GABRA2: variants seen among roughly 807,000 people sequenced by gnomAD.
The protein encoded by GABRA2 is gamma-aminobutyric acid type A receptor subunit alpha2.
In GABRA2, 16 loss-of-function variants were observed where a neutral mutation model predicts 48.7. That is an observed-to-expected ratio of 0.33 (90% confidence interval 0.22 to 0.50). GABRA2 has a LOEUF of 0.50. Among genes scored for constraint, GABRA2 ranks in the 20% least tolerant of loss-of-function variants. GABRA2 has a pLI of 0.98. For synonymous variants in GABRA2, 185 were observed against 184.5 expected (o/e 1.00, Z -0.02); for missense variants, 275 against 535.6 (o/e 0.51, Z 4.80).
intron 9 of GABRA2, among the ~76,000 whole-genome samples, chr4:46,254,002 A>G (rs575692693): frequency 6.6e-6 from 1 of 151,652 alleles, no homozygotes; most frequent in South Asian, 2.1e-4. Context: ...CTGACTTACA[A>G]TTCTAAGATC....
At chr4:46,348,846 G>A (rs567029420) in intron 3 of GABRA2, among the ~76,000 whole-genome samples, 9 of 150,146 alleles carry the variant, frequency 6.0e-5, no homozygotes, top group East Asian at 4.0e-4. Flanking sequence ...TAATGGGTGC[G>A]GCACACCAAC....
chr4:46,366,724 A>C (rs557978225), intron 3 of GABRA2: 1 of 152,236 alleles, frequency 6.6e-6, no homozygotes, highest in South Asian at 2.1e-4. Flanking sequence ...AGAAATTATA[A>C]TTTAGTATGA....
chr4:46,359,426 C>A (rs759783040), intron 3 of GABRA2, among the ~76,000 whole-genome samples: 4 of 151,868 alleles, frequency 2.6e-5, no homozygotes, highest in Non-Finnish European at 5.9e-5. Flanking sequence ...TACTATCAGC[C>A]CCTTCTAAAA....
intron 9 of GABRA2, among the ~76,000 whole-genome samples, chr4:46,251,492 C>T (rs1432980901): frequency 2.0e-5 from 3 of 151,384 alleles, no homozygotes; most frequent in Admixed American, 1.3e-4. Context: ...TGGTGCCACG[C>T]TTTTAGCCAT....
At chr4:46,319,373 C>A (rs1714805597) in intron 4 of GABRA2, among the ~76,000 whole-genome samples, 1 of 151,658 alleles carries the variant, frequency 6.6e-6, no homozygotes, top group African/African-American at 2.4e-5. Context: ...CTAATAAAGG[C>A]TAGTCTCCCT....
chr4:46,390,068 TGGGGGGACGC>T lies in GABRA2; in HGVS notation c.-354_-345del. 5 of 77,476 alleles carry T rather than the reference TGGGGGGACGC, an allele frequency of 6.5e-5. No homozygotes were observed. The highest frequency in any genetic ancestry group is 2.4e-4 in the African/African-American group (1 of 4,180). The allele number at this position is 77,476 out of a possible 1,614,324, so 4.8% of individuals were successfully genotyped here. A position where few individuals can be genotyped will look rare whatever the true frequency, so the allele number is the denominator to read the frequency against. On this transcript the variant is annotated 5_prime_UTR_variant, in exon 1 of 10. Coordinates refer to ENST00000381620, the MANE Select transcript of GABRA2 (RefSeq NM_000807.4). ...AGGAGCTGGGGCCGGGGGGGGAAAT[TGGGGGGACGC>T]GGGCGGAGGCGCGGTGCGCGCCGGC... is the stretch of plus-strand genomic sequence containing the variant.
At chr4:46,343,018 T>C (rs562122984) in intron 3 of GABRA2, among the ~76,000 whole-genome samples, 143 of 152,014 alleles carry the variant, frequency 9.4e-4, no homozygotes, top group South Asian at 1.9e-3. Context: ...CCTGACACTT[T>C]CTAAGCTTTT....
chr4:46,322,927 G>A (rs922475392), intron 4 of GABRA2, among the ~76,000 whole-genome samples: 2 of 151,776 alleles, frequency 1.3e-5, no homozygotes, highest in Non-Finnish European at 2.9e-5. Flanking sequence ...GTTTGCACGC[G>A]TGCATCTAGG....
chr4:46,321,378 G>T (rs1174478644), intron 4 of GABRA2, among the ~76,000 whole-genome samples: 2 of 151,956 alleles, frequency 1.3e-5, no homozygotes, highest in African/African-American at 4.8e-5. Flanking sequence ...TGGAAAAAAA[G>T]TAAACTATGC....
At chr4:46,336,550 T>C (rs2109831877) in intron 3 of GABRA2, among the ~76,000 whole-genome samples, 1 of 152,100 alleles carries the variant, frequency 6.6e-6, no homozygotes, top group South Asian at 2.1e-4. Flanking sequence ...ATACCAAGAG[T>C]AATATGCAAA....
intron 3 of GABRA2, among the ~76,000 whole-genome samples, chr4:46,377,654 C>T (rs1286935433): frequency 6.8e-5 from 10 of 148,066 alleles, no homozygotes; most frequent in African/African-American, 2.0e-4. Context: ...AGGTGAGGGG[C>T]GCCTCTGCCC....
intron 3 of GABRA2, among the ~76,000 whole-genome samples, chr4:46,357,448 A>T (rs1736174899): frequency 6.8e-6 from 1 of 147,304 alleles, no homozygotes; most frequent in African/African-American, 2.5e-5. Flanking sequence ...GAGTGAAAAG[A>T]CCTCAATTTG....
At position 46,388,662 on chromosome 4, in the gene GABRA2, A is replaced by C. The variant is rs1717805731; in HGVS notation, c.45T>G (p.Phe15Leu). Reference sequence around the variant, plus strand: ...TGGCAGGGTCCCACACCAAGAAAACAAAAAGCAGGAACTGCATGTTGTAGA... The same window carrying C: ...TGGCAGGGTCCCACACCAAGAAAACCAAAAGCAGGAACTGCATGTTGTAGA... ...LNIYNMQFLL[F>L]VFLVWDPARL... Residue 15 changes from phenylalanine (F) to leucine (L), a missense_variant, in exon 2 of 10, where the codon TTT (phenylalanine) becomes TTG (leucine). Phe to Leu is a conservative substitution (Grantham distance 22, BLOSUM62 0). Coordinates refer to ENST00000381620, the MANE Select transcript of GABRA2 (RefSeq NM_000807.4). 6.2e-7 allele frequency: 1 copy of C among 1,614,066 alleles called. No individual in the cohort carries two copies. The highest frequency in any genetic ancestry group is 2.2e-5 in the East Asian group (1 of 44,884).
At chr4:46,385,810 G>C (rs780695526) in intron 3 of GABRA2, among the ~76,000 whole-genome samples, 1 of 152,030 alleles carries the variant, frequency 6.6e-6, no homozygotes, top group Admixed American at 6.6e-5. Context: ...CTCTAAGTGT[G>C]AGAAAGTTAA....
At chr4:46,308,448 T>G (rs2109663547) in intron 6 of GABRA2, among the ~76,000 whole-genome samples, 1 of 152,300 alleles carries the variant, frequency 6.6e-6, no homozygotes, top group Middle Eastern at 3.4e-3. Flanking sequence ...AAGTCACAGC[T>G]GTTTCTGCCA....
intron 8 of GABRA2, among the ~76,000 whole-genome samples, chr4:46,265,632 C>A (rs976760233): frequency 6.6e-6 from 1 of 151,060 alleles, no homozygotes; most frequent in Non-Finnish European, 1.5e-5. Context: ...CAAGAACCAA[C>A]TTATGGCTGT....
intron 3 of GABRA2, among the ~76,000 whole-genome samples, chr4:46,362,199 T>C (rs1004584888): frequency 2.0e-5 from 3 of 152,146 alleles, no homozygotes; most frequent in Non-Finnish European, 4.4e-5. Flanking sequence ...AGGAACTTGA[T>C]GGGAGGTAAC....
intron 4 of GABRA2, among the ~76,000 whole-genome samples, chr4:46,324,893 T>C (rs1730077294): frequency 6.6e-6 from 1 of 152,008 alleles, no homozygotes. Flanking sequence ...GCAAAGGACA[T>C]AATTTCATTA....
At chr4:46,255,697 G>A (rs538117470) in intron 9 of GABRA2, among the ~76,000 whole-genome samples, 4 of 151,554 alleles carry the variant, frequency 2.6e-5, no homozygotes, top group African/African-American at 9.7e-5. Context: ...AGTATGTTTT[G>A]AGTGTATTAC....
Sources: allele counts gnomAD v4.1 joint callset (sites outside exome capture counted in the v4.1 genomes callset), GRCh38; gene constraint gnomAD v4.1.1; transcripts MANE v1.5; gene names NCBI Gene and HGNC (gene_info 2026-07-23, HGNC 2026-07-21).